The following CYP1B1 variants were observed in gnomAD, a reference collection of about 807,000 sequenced individuals.
CYP1B1 encodes the protein cytochrome P450 1B1.
CYP1B1 carries 22 observed loss-of-function variants against 29.9 expected under a neutral mutation model. That is an observed-to-expected ratio of 0.74 (90% CI 0.53 to 1.05). The LOEUF is 1.05. CYP1B1 is among the 50% of genes least tolerant of loss of function. CYP1B1 has a pLI of 0.00. For synonymous variants in CYP1B1, 375 were observed against 320.0 expected, an observed-to-expected ratio of 1.17 and a Z score of -1.83; for missense variants, 883 against 746.9, an observed-to-expected ratio of 1.18 and a Z score of -2.12.
At chr2:38,074,170 G>T (rs1682480674) in intron 2 of CYP1B1, 176 bp downstream of exon 2, 2 of 695,820 alleles carry the variant, frequency 2.9e-6, no homozygotes, top group Non-Finnish European at 4.8e-6. Context: ...GGGCGCGTGC[G>T]CGTGTCGCAG....
At position 38,071,129 on chromosome 2, in the gene CYP1B1, CAG is replaced by C. The variant is rs1248291721; in HGVS notation, c.1223_1224del (p.Ser408CysfsTer22). On this transcript the variant is annotated frameshift_variant, in exon 3 of 3. Transcript: ENST00000610745. LOFTEE classifies it high-confidence loss of function. ...TIPHATTANT[S>X]VLGYHIPKDT... Reference sequence around the variant, plus strand: ...TCCTTGGGAATGTGGTAGCCCAAGACAGAGGTGTTGGCAGTGGTGGCATGAGG... The same window carrying C: ...TCCTTGGGAATGTGGTAGCCCAAGACAGGTGTTGGCAGTGGTGGCATGAGG... 6.2e-7 allele frequency: 1 copy of C among 1,613,772 alleles called. No individual in the cohort carries two copies. The highest frequency in any genetic ancestry group is 8.5e-7 in the Non-Finnish European group (1 of 1,179,664).
In CYP1B1 at chr2:38,070,859, C is replaced by T. The variant is rs376806358; in HGVS notation, c.1495G>A (p.Glu499Lys). 5 of 1,614,030 alleles carry T rather than the reference C, an allele frequency of 3.1e-6. No homozygotes were observed. Among genetic ancestry groups the T allele is most frequent in the Middle Eastern group, 1.6e-4 (1 of 6,084 alleles). The change falls in exon 3 of 3, where the codon GAG (glutamate) becomes AAG (lysine). Residue 499 changes from glutamate to lysine, a missense_variant. Physicochemically the swap from Glu to Lys is moderately conservative, Grantham distance 56. Coordinates refer to ENST00000610745, the MANE Select transcript of CYP1B1 (RefSeq NM_000104.4). ...TAACTGAAATTCATTTTCGCAGGCTCATTTGGGTTGGCCCTGAAATCGCAC... is the reference window on the plus strand; with the variant it reads ...TAACTGAAATTCATTTTCGCAGGCTTATTTGGGTTGGCCCTGAAATCGCAC... ...HQCDFRANPN[E>K]PAKMNFSYGL...
In CYP1B1 at chr2:38,070,019, CATG is replaced by C. The variant is rs1162542433; in HGVS notation, c.*700_*702del. On this transcript the variant is annotated 3_prime_UTR_variant, in exon 3 of 3. Coordinates refer to ENST00000610745, the MANE Select transcript of CYP1B1 (RefSeq NM_000104.4). ...ATTTAATAATGCATACTTTAAAATT[CATG>C]ATAACTCATGGAACCCCACTATACT... 5.0e-6 allele frequency: 1 copy of C among 201,688 alleles called. No individual in the cohort carries two copies. Among genetic ancestry groups the C allele is most frequent in the Non-Finnish European group, 1.0e-5 (1 of 98,376 alleles). 12.5% of individuals were successfully genotyped at this position (201,688 alleles called of 1,614,324 possible). A position where few individuals can be genotyped will look rare whatever the true frequency, so the allele number is the denominator to read the frequency against.
rs551835464 is a variant in CYP1B1 at position 38,069,396 on chromosome 2, T to C, written c.*1326A>G. ...ATTCATTGGGCAGACACAGCTTAGATTTCTCTGCCTTCCACAGGAGAATGT... is the reference window on the plus strand; with the variant it reads ...ATTCATTGGGCAGACACAGCTTAGACTTCTCTGCCTTCCACAGGAGAATGT... On this transcript the variant is annotated 3_prime_UTR_variant, in exon 3 of 3. Coordinates refer to ENST00000610745, the MANE Select transcript of CYP1B1 (RefSeq NM_000104.4). The C allele has an allele frequency of 4.7e-6, 1 of 214,334 alleles. No individual in the cohort carries two copies. The highest frequency in any genetic ancestry group is 5.8e-5 in the Admixed American group (1 of 17,168). 13.3% of individuals were successfully genotyped at this position (214,334 alleles called of 1,614,324 possible).
Position 38,068,389 on chromosome 2 carries a change from C to T in CYP1B1, c.*2333G>A, listed in dbSNP as rs35320531. 398 of 227,722 alleles carry T rather than the reference C, an allele frequency of 1.7e-3. 3 individuals carry two copies. The highest frequency in any genetic ancestry group is 8.6e-3 in the African/African-American group (386 of 45,076). 14.1% of individuals were successfully genotyped at this position (227,722 alleles called of 1,614,324 possible). On this transcript the variant is annotated 3_prime_UTR_variant, in exon 3 of 3. Transcript: ENST00000610745. ...TCCTTTTGCCGCAAGCATCTGATGA[C>T]GACTGGGCCTACATACGTAAAAACA...
In CYP1B1 at chr2:38,068,363, T is replaced by C. The variant is rs1682353459; in HGVS notation, c.*2359A>G. 8.8e-6 allele frequency: 2 copies of C among 227,152 alleles called. No individual in the cohort carries two copies. Among genetic ancestry groups the C allele is most frequent in the Non-Finnish European group, 1.8e-5 (2 of 114,188 alleles). The allele number at this position is 227,152 out of a possible 1,614,324, so 14.1% of individuals were successfully genotyped here. A position where few individuals can be genotyped will look rare whatever the true frequency, so the allele number is the denominator to read the frequency against. On this transcript the variant is annotated 3_prime_UTR_variant, in exon 3 of 3. Coordinates refer to ENST00000610745, the MANE Select transcript of CYP1B1 (RefSeq NM_000104.4). ...TACTTTCTTCCATATAAACACAGCT[T>C]TCCTTTTGCCGCAAGCATCTGATGA...
Position 38,070,863 on chromosome 2 carries a change from T to C in CYP1B1, c.1491A>G (p.Pro497=). The part of the protein sequence containing the change: ...LAHQCDFRAN[P]NEPAKMNFSY... ...TGAAATTCATTTTCGCAGGCTCATT[T>C]GGGTTGGCCCTGAAATCGCACTGGT... Residue 497 remains proline (P), a synonymous_variant, in exon 3 of 3, where the codon CCA becomes CCG. Transcript: ENST00000610745. 1 of 1,614,192 alleles carries C rather than the reference T, an allele frequency of 6.2e-7. No homozygotes were observed. Among genetic ancestry groups the C allele is most frequent in the Non-Finnish European group, 8.5e-7 (1 of 1,180,030 alleles).
intron 2 of CYP1B1, among the ~76,000 whole-genome samples, chr2:38,072,018 A>G (rs1376271974): frequency 6.6e-6 from 1 of 152,248 alleles, no homozygotes; most frequent in Non-Finnish European, 1.5e-5. Flanking sequence ...CCCAATGTTC[A>G]TAAAATTATG....
intron 2 of CYP1B1, among the ~76,000 whole-genome samples, chr2:38,074,123 A>G (rs1682479731): frequency 6.6e-6 from 1 of 151,852 alleles, no homozygotes; most frequent in African/African-American, 2.4e-5. Flanking sequence ...GATAGAGACA[A>G]GATAGGAGAC....
In CYP1B1 at chr2:38,071,256, C is replaced by T; in HGVS notation, c.1098G>A (p.Arg366=). The change falls in exon 3 of 3, where the codon AGG becomes AGA. Residue 366 remains arginine, a synonymous_variant. Coordinates refer to ENST00000610745, the MANE Select transcript of CYP1B1 (RefSeq NM_000104.4). The part of the protein sequence containing the change: ...VQAELDQVVG[R]DRLPCMGDQP... ...GGTCACCCATACAAGGCAGACGGTC[C>T]CTCCCCACGACCTGATCCAATTCTG... 1 of 1,613,084 alleles carries T rather than the reference C, an allele frequency of 6.2e-7. No individual in the cohort carries two copies. Among genetic ancestry groups the T allele is most frequent in the Non-Finnish European group, 8.5e-7 (1 of 1,180,046 alleles).
In CYP1B1 at chr2:38,075,025, A is replaced by AGGCGAAGGACGGCCGGTC; in HGVS notation, c.363_364insGACCGGCCGTCCTTCGCC (p.Ala121_Ser122insAspArgProSerPheAla). On this transcript the variant is annotated inframe_insertion, in exon 2 of 3. Transcript: ENST00000610745. ...CGGCCGCCGGACACCACACGGAAGG[A>AGGCGAAGGACGGCCGGTC]GGCGAAGGCCGGCCGGTCGGCGAAG... The AGGCGAAGGACGGCCGGTC allele has an allele frequency of 1.3e-6, 2 of 1,591,884 alleles. No individual in the cohort carries two copies.
chr2:38,070,681 A>G lies in CYP1B1; in HGVS notation c.*41T>C. On this transcript the variant is annotated 3_prime_UTR_variant, in exon 3 of 3. Transcript: ENST00000610745. ...ACTGAATTTTACTCCTCATCTCCGAAGATGTGAATATTTCTAAAATTTCAG... is the reference window on the plus strand; with the variant it reads ...ACTGAATTTTACTCCTCATCTCCGAGGATGTGAATATTTCTAAAATTTCAG... 6.4e-7 allele frequency: 1 copy of G among 1,559,252 alleles called. No homozygotes were observed. Among genetic ancestry groups the G allele is most frequent in the Non-Finnish European group, 8.8e-7 (1 of 1,130,204 alleles).
Position 38,070,448 on chromosome 2 carries a change from T to G in CYP1B1, c.*274A>C, listed in dbSNP as rs1682403614. ...CATTTTAACTCCAAAGAATGCTACC[T>G]TCAGAAATAACCAAGATGCAGTATG... On this transcript the variant is annotated 3_prime_UTR_variant, in exon 3 of 3. Coordinates refer to ENST00000610745, the MANE Select transcript of CYP1B1 (RefSeq NM_000104.4). The G allele has an allele frequency of 8.1e-6, 4 of 491,800 alleles. No individual in the cohort carries two copies. The South Asian group carries it at 9.3e-5, about 11-fold the overall frequency. 30.5% of individuals were successfully genotyped at this position (491,800 alleles called of 1,614,324 possible). A position where few individuals can be genotyped will look rare whatever the true frequency, so the allele number is the denominator to read the frequency against.
Position 38,070,527 on chromosome 2 carries a change from A to G in CYP1B1, c.*195T>C. 1 of 602,560 alleles carries G rather than the reference A, an allele frequency of 1.7e-6. No individual in the cohort carries two copies. Among genetic ancestry groups the G allele is most frequent in the Admixed American group, 3.0e-5 (1 of 33,858 alleles). 37.3% of individuals were successfully genotyped at this position (602,560 alleles called of 1,614,324 possible). On this transcript the variant is annotated 3_prime_UTR_variant, in exon 3 of 3. Transcript: ENST00000610745. Reference sequence around the variant, plus strand: ...TCTTTGACTCAAAAAAATCTCCCAGAAGCTCCTGCATAGCCCACTACTCAT... The same window carrying G: ...TCTTTGACTCAAAAAAATCTCCCAGGAGCTCCTGCATAGCCCACTACTCAT...
In CYP1B1 at chr2:38,071,183, A is replaced by G; in HGVS notation, c.1171T>C (p.Phe391Leu). ...ATAGTGACAGGCACAAAGCTGGAGAAGCGCATGGCTTCATAAAGGAAGGCC... is the reference window on the plus strand; with the variant it reads ...ATAGTGACAGGCACAAAGCTGGAGAGGCGCATGGCTTCATAAAGGAAGGCC... Reference protein sequence around the residue: ...VLAFLYEAMRFSSFVPVTIPH... With the variant: ...VLAFLYEAMRLSSFVPVTIPH... The change falls in exon 3 of 3, where the codon TTC becomes CTC. Residue 391 changes from phenylalanine (F) to leucine (L), a missense_variant. Phe to Leu is a conservative substitution (Grantham distance 22). Transcript: ENST00000610745. 1.2e-6 allele frequency: 2 copies of G among 1,613,840 alleles called. No homozygotes were observed. Among genetic ancestry groups the G allele is most frequent in the Non-Finnish European group, 1.7e-6 (2 of 1,180,034 alleles).
chr2:38,072,328 G>A (rs1252664838), intron 2 of CYP1B1, among the ~76,000 whole-genome samples: 1 of 152,106 alleles, frequency 6.6e-6, no homozygotes, highest in African/African-American at 2.4e-5. Context: ...TTTGGGACCA[G>A]CCTGGGTAAG....
intron 2 of CYP1B1, 100 bp downstream of exon 2, chr2:38,074,246 C>G (rs752684728): frequency 1.5e-6 from 2 of 1,372,172 alleles, no homozygotes; most frequent in Non-Finnish European, 2.0e-6. Context: ...GGAGCGAAAC[C>G]CCAAACCCGG....
Position 38,075,088 on chromosome 2 carries a change from G to A in CYP1B1, c.301C>T (p.Arg101Cys). The change falls in exon 2 of 3, where the codon CGC becomes TGC. Residue 101 changes from arginine (R) to cysteine (C), a missense_variant. By Grantham distance (180) the Arg-to-Cys change is radical. Transcript: ENST00000610745. ...TGCACCAGGGCCTGGTGGATGGCGC[G>A]CTCGCCATTCAGCACCACTATGGGG... is the stretch of plus-strand genomic sequence containing the variant. ...SCPIVVLNGERAIHQALVQQG... is the reference protein window; with the variant it reads ...SCPIVVLNGECAIHQALVQQG... 1 of 1,580,120 alleles carries A rather than the reference G, an allele frequency of 6.3e-7. No individual in the cohort carries two copies. Among genetic ancestry groups the A allele is most frequent in the Non-Finnish European group, 8.5e-7 (1 of 1,170,798 alleles).
At chr2:38,072,969 T>G (rs1316056663) in intron 2 of CYP1B1, among the ~76,000 whole-genome samples, 1 of 152,220 alleles carries the variant, frequency 6.6e-6, no homozygotes, top group Non-Finnish European at 1.5e-5. Context: ...GCCGCCTAAT[T>G]GGAGTACTCG....
Sources: allele counts gnomAD v4.1 joint callset (sites outside exome capture counted in the v4.1 genomes callset), GRCh38; gene constraint gnomAD v4.1.1; transcripts MANE v1.5; gene names NCBI Gene and HGNC (gene_info 2026-07-23, HGNC 2026-07-21).